The following CLYBL variants were observed in gnomAD, a reference collection of about 807,000 sequenced individuals.
The protein encoded by CLYBL is citramalyl-CoA lyase, mitochondrial.
Under a neutral mutation model 38.9 loss-of-function variants are expected in CLYBL, and 31 were observed. The observed-to-expected ratio is 0.80, with a 90% CI of 0.60 to 1.08. CLYBL has a LOEUF of 1.08. Ranked by LOEUF, CLYBL falls within the 50% of genes least tolerant of loss-of-function variation. The pLI, the probability that CLYBL is intolerant of heterozygous loss-of-function variation, is 0.00. For missense variants in CLYBL, 434 were observed against 411.6 expected (o/e 1.05, Z -0.47); for synonymous variants, 171 against 158.6 (o/e 1.08, Z -0.59).
intron 2 of CLYBL, among the ~76,000 whole-genome samples, chr13:99,777,222 A>C (rs2049536636): frequency 1.3e-5 from 2 of 152,154 alleles, no homozygotes; most frequent in African/African-American, 4.8e-5. Flanking sequence ...GCTTATTCAG[A>C]AACCTAACTC....
downstream of CLYBL, chr13:99,894,311 A>T (rs1391060085): frequency 6.6e-6 from 1 of 152,264 alleles, no homozygotes; most frequent in Non-Finnish European, 1.5e-5. Context: ...GGGAAGTGAG[A>T]GCTGCCCGAC....
intron 7 of CLYBL, among the ~76,000 whole-genome samples, chr13:99,882,834 A>C (rs1180235971): frequency 6.6e-6 from 1 of 152,122 alleles, no homozygotes; most frequent in Non-Finnish European, 1.5e-5. Flanking sequence ...TATAGTTGCC[A>C]AGACAATCTT....
chr13:99,666,096 C>G (rs1292844950), intron 1 of CLYBL, among the ~76,000 whole-genome samples: 1 of 151,986 alleles, frequency 6.6e-6, no homozygotes, highest in African/African-American at 2.4e-5. Flanking sequence ...GGACTACTTG[C>G]TAGAAGGAAC....
Position 99,869,294 on chromosome 13 carries a change from T to G in CLYBL, c.803-1644T>G, listed in dbSNP as rs1383896623. On this transcript the variant is annotated intron_variant, in intron 6 of 8. Coordinates refer to ENST00000339105, the MANE Select transcript of CLYBL (RefSeq NM_206808.5). This position sits in a 1 kb window ranked among gnomAD's most constrained non-coding sequence, Gnocchi z 4.3. ...TAGTGCATGTACCAAGAAGTTCCCATGAAATCTGGCTTTTTACGCATTGGT... is the reference window on the plus strand; with the variant it reads ...TAGTGCATGTACCAAGAAGTTCCCAGGAAATCTGGCTTTTTACGCATTGGT... 1.3e-5 allele frequency among the ~76,000 whole-genome samples: 2 copies of G among 152,168 alleles called. No individual in the cohort carries two copies. The highest frequency in any genetic ancestry group is 2.9e-5 in the Non-Finnish European group (2 of 68,004).
chr13:99,874,290 C>T (rs1202968989), intron 7 of CLYBL, among the ~76,000 whole-genome samples: 2 of 152,130 alleles, frequency 1.3e-5, no homozygotes. Flanking sequence ...TCCATCCTTC[C>T]AGAAAAATGT....
At chr13:99,848,966 C>G (rs1277460758) in intron 2 of CLYBL, among the ~76,000 whole-genome samples, 1 of 152,050 alleles carries the variant, frequency 6.6e-6, no homozygotes, top group African/African-American at 2.4e-5. Context: ...TGGTGAAACC[C>G]CATGTCTACT....
intron 2 of CLYBL, among the ~76,000 whole-genome samples, chr13:99,855,518 T>C (rs1402648087): frequency 6.6e-6 from 1 of 151,848 alleles, no homozygotes; most frequent in African/African-American, 2.4e-5. Flanking sequence ...AGAAGGAAAG[T>C]GTGAAGCGTG....
At chr13:99,845,034 A>G (rs975682199) in intron 2 of CLYBL, among the ~76,000 whole-genome samples, 5 of 152,186 alleles carry the variant, frequency 3.3e-5, no homozygotes, top group African/African-American at 1.2e-4. Flanking sequence ...ACCAGGTACT[A>G]ATATTGTGAA....
intron 2 of CLYBL, among the ~76,000 whole-genome samples, chr13:99,782,563 C>T (rs556150838): frequency 1.7e-4 from 26 of 152,190 alleles, no homozygotes; most frequent in Middle Eastern, 3.4e-3. Context: ...TGTTTTGGAA[C>T]AGTTGACTAT....
intron 1 of CLYBL, among the ~76,000 whole-genome samples, chr13:99,711,951 G>C (rs192705820): frequency 2.0e-5 from 3 of 151,876 alleles, no homozygotes; most frequent in South Asian, 4.2e-4. Flanking sequence ...TCCTGACCTC[G>C]TGATCCACCC....
intron 2 of CLYBL, among the ~76,000 whole-genome samples, chr13:99,819,895 C>CT (rs1238164109): frequency 2.0e-5 from 3 of 152,202 alleles, no homozygotes; most frequent in Non-Finnish European, 4.4e-5. Context: ...AACACCCTCA[C>CT]AGGTATACCT....
At chr13:99,682,897 C>T (rs535172248) in intron 1 of CLYBL, among the ~76,000 whole-genome samples, 5 of 151,672 alleles carry the variant, frequency 3.3e-5, no homozygotes, top group Admixed American at 2.0e-4. Context: ...TCACCACGCC[C>T]GGCTAATTTT....
chr13:99,781,193 C>T (rs957540622), intron 2 of CLYBL, among the ~76,000 whole-genome samples: 15 of 150,514 alleles, frequency 1.0e-4, no homozygotes, highest in South Asian at 8.4e-4. Context: ...TATTTTGAGA[C>T]GGAGTCTCGC....
chr13:99,671,382 G>A (rs563427360), intron 1 of CLYBL, among the ~76,000 whole-genome samples: 18 of 152,202 alleles, frequency 1.2e-4, no homozygotes, highest in Non-Finnish European at 2.5e-4. Flanking sequence ...ATCAGGGGAG[G>A]GTATGATTGC....
At chr13:99,808,401 G>A (rs958945614) in intron 2 of CLYBL, among the ~76,000 whole-genome samples, 1 of 152,150 alleles carries the variant, frequency 6.6e-6, no homozygotes, top group East Asian at 1.9e-4. Flanking sequence ...TCCTCTTGTA[G>A]AGGAACGGTC....
chr13:99,864,943 G>C (rs201825793), intron 5 of CLYBL, 32 bp downstream of exon 5: 4 of 795,382 alleles, frequency 5.0e-6, no homozygotes, highest in Non-Finnish European at 6.6e-6. Context: ...CTCTTTTTCT[G>C]TGTGTGTGTG....
At chr13:99,740,347 G>C (rs2048732669) in intron 1 of CLYBL, among the ~76,000 whole-genome samples, 1 of 152,204 alleles carries the variant, frequency 6.6e-6, no homozygotes, top group South Asian at 2.1e-4. Context: ...GACAAATGCT[G>C]TCCTGTACCT....
intron 1 of CLYBL, among the ~76,000 whole-genome samples, chr13:99,625,859 G>A (rs2046862169): frequency 6.6e-6 from 1 of 152,212 alleles, no homozygotes; most frequent in Non-Finnish European, 1.5e-5. Flanking sequence ...GAAGAGAGAA[G>A]GGAAGAACAT....
At chr13:99,854,403 T>C (rs2051406283) in intron 2 of CLYBL, among the ~76,000 whole-genome samples, 1 of 151,122 alleles carries the variant, frequency 6.6e-6, no homozygotes, top group Non-Finnish European at 1.5e-5. Flanking sequence ...CCCCCTTGAA[T>C]CTCGTATCCT....
Sources: gnomAD v4.1 joint callset for allele counts (sites outside exome capture counted in the v4.1 genomes callset) on GRCh38, gnomAD v4.1.1 for gene constraint, Gnocchi (gnomAD v3.1) non-coding constraint, MANE v1.5 for transcripts, NCBI Gene and HGNC (gene_info 2026-07-23, HGNC 2026-07-21) for gene names.